STX3: variants seen among roughly 807,000 people sequenced by gnomAD.
The protein encoded by STX3 is syntaxin 3.
A neutral mutation model predicts 40.2 loss-of-function variants in STX3; 19 were observed. The observed-to-expected ratio is 0.47, with a 90% CI of 0.33 to 0.69. The LOEUF (loss-of-function observed/expected upper bound fraction) is 0.69, where lower values mean the gene tolerates loss of function less well. Among genes scored for constraint, STX3 ranks in the 30% least tolerant of loss-of-function variants. STX3 has a pLI of 0.02. For synonymous variants in STX3, 122 were observed against 132.2 expected, an observed-to-expected ratio of 0.92 and a Z score of 0.53; for missense variants, 364 against 366.7, an observed-to-expected ratio of 0.99 and a Z score of 0.06.
At chr11:59,773,984 A>C (rs879935382) in intron 2 of STX3, among the ~76,000 whole-genome samples, 6,412 of 149,248 alleles carry the variant, frequency 0.043, 165 homozygotes, top group African/African-American at 0.057. Context: ...ACACAAAAAA[A>C]AAAAAAAAAA....
In STX3 at chr11:59,766,891, G is replaced by A. The variant is rs141392876; in HGVS notation, c.31-6320G>A. The stretch of plus-strand genomic sequence containing the variant: ...CAACTACATACTGCAGATGGGATTC[G>A]TTGACATGGTGTACACAAAGCAGCT... On this transcript the variant is annotated intron_variant, in intron 1 of 10. Transcript: ENST00000337979. Among the ~76,000 whole-genome samples, 1,014 of 152,318 alleles carry A rather than the reference G, an allele frequency of 6.7e-3. 16 individuals carry two copies. Among genetic ancestry groups the A allele is most frequent in the African/African-American group, 0.023 (973 of 41,562 alleles).
chr11:59,777,281 C>G (rs906316152), intron 2 of STX3, among the ~76,000 whole-genome samples: 2 of 152,176 alleles, frequency 1.3e-5, no homozygotes, highest in Non-Finnish European at 2.9e-5. Context: ...TTTGCACATA[C>G]ACATACCTGA....
At chr11:59,800,419 C>A (rs1452520629) in intron 10 of STX3, 24 of 985,206 alleles carry the variant, frequency 2.4e-5, no homozygotes, top group Non-Finnish European at 2.8e-5. Flanking sequence ...TAATATGACC[C>A]CTGAACTTTT....
In STX3 at chr11:59,801,503, A is replaced by G; in HGVS notation, c.*679A>G. On this transcript the variant is annotated 3_prime_UTR_variant, in exon 11 of 11. Coordinates refer to ENST00000337979, the MANE Select transcript of STX3 (RefSeq NM_004177.5). ...CATATTTACTCAAGGAGGGACCAGG[A>G]TGATACAGTCATCTGAGGTTATGCT... is the stretch of plus-strand genomic sequence containing the variant. 6.1e-6 allele frequency: 6 copies of G among 985,602 alleles called. No homozygotes were observed. The highest frequency in any genetic ancestry group is 7.2e-6 in the Non-Finnish European group (6 of 830,072). The allele number at this position is 985,602 out of a possible 1,614,324, so 61.1% of individuals were successfully genotyped here.
chr11:59,757,370 A>G (rs974502127), intron 1 of STX3, among the ~76,000 whole-genome samples: 1 of 152,200 alleles, frequency 6.6e-6, no homozygotes, highest in Non-Finnish European at 1.5e-5. Context: ...TCTTCCATTT[A>G]TTAGGAAATC....
intron 4 of STX3, among the ~76,000 whole-genome samples, chr11:59,789,441 A>G (rs1590812598): frequency 1.4e-5 from 2 of 139,886 alleles, no homozygotes; most frequent in Admixed American, 7.1e-5. Flanking sequence ...GCAACTACAT[A>G]CTTTTTTTTT....
intron 1 of STX3, among the ~76,000 whole-genome samples, chr11:59,757,706 A>T (rs902668085): frequency 2.0e-5 from 3 of 152,158 alleles, no homozygotes; most frequent in African/African-American, 7.2e-5. Context: ...AAAGGGACAC[A>T]GGTGGCAGGT....
chr11:59,797,613 A>G (rs1410437634), intron 10 of STX3, among the ~76,000 whole-genome samples: 1 of 152,166 alleles, frequency 6.6e-6, no homozygotes, highest in Non-Finnish European at 1.5e-5. Flanking sequence ...CTTATCCTGT[A>G]GATTCTGTCC....
intron 10 of STX3, 59 bp from the exon 11 acceptor site, chr11:59,800,796 C>T (rs1865845897): frequency 6.5e-7 from 1 of 1,535,508 alleles, no homozygotes; most frequent in Non-Finnish European, 8.7e-7. Flanking sequence ...CTGACTCCTT[C>T]TGTTGCCCTT....
chr11:59,782,193 T>C (rs980542314), intron 2 of STX3, among the ~76,000 whole-genome samples: 1 of 152,300 alleles, frequency 6.6e-6, no homozygotes, highest in East Asian at 1.9e-4. Context: ...CTTTTAGTTA[T>C]AGTTATTAGT....
chr11:59,769,536 A>T (rs1020890555), intron 1 of STX3, among the ~76,000 whole-genome samples: 3 of 152,122 alleles, frequency 2.0e-5, no homozygotes, highest in African/African-American at 7.2e-5. Context: ...CAGGTTTTGG[A>T]TCTAGGTTTC....
Position 59,802,468 on chromosome 11 carries a change from A to G in STX3, c.*1644A>G, listed in dbSNP as rs1298075957. The G allele has an allele frequency of 9.1e-6, 9 of 985,738 alleles. No individual in the cohort carries two copies. The highest frequency in any genetic ancestry group is 9.6e-6 in the Non-Finnish European group (8 of 829,944). The allele number at this position is 985,738 out of a possible 1,614,324, so 61.1% of individuals were successfully genotyped here. A position where few individuals can be genotyped will look rare whatever the true frequency, so the allele number is the denominator to read the frequency against. ...TATGGCCGGTCACAATCCAGCACTC[A>G]GACAGAGCCAAGGCAATATCCTCTT... On this transcript the variant is annotated 3_prime_UTR_variant, in exon 11 of 11. Transcript: ENST00000337979.
Position 59,797,337 on chromosome 11 carries a change from A to G in STX3, c.841A>G (p.Ile281Val). 1 of 1,614,082 alleles carries G rather than the reference A, an allele frequency of 6.2e-7. No homozygotes were observed. The highest frequency in any genetic ancestry group is 8.5e-7 in the Non-Finnish European group (1 of 1,180,016). ...VVVLLGILAL[I>V]IGLSVGLN ...TGTGTTGCTGGGCATTTTAGCATTG[A>G]TTATTGGACTTTCCGTTGGGCTGAA... The change falls in exon 10 of 11, where the codon ATT (isoleucine) becomes GTT (valine). Residue 281 changes from isoleucine (I) to valine (V), a missense_variant. By Grantham distance (29) the Ile-to-Val change is conservative. Coordinates refer to ENST00000337979, the MANE Select transcript of STX3 (RefSeq NM_004177.5).
chr11:59,790,381 G>A, intron 4 of STX3, 138 bp from the exon 5 acceptor site: 2 of 675,718 alleles, frequency 3.0e-6, no homozygotes, highest in Non-Finnish European at 5.4e-6. Context: ...TCATCTGGGA[G>A]CTGACCTTTT....
chr11:59,758,401 A>G (rs1024179564), intron 1 of STX3, among the ~76,000 whole-genome samples: 1 of 152,226 alleles, frequency 6.6e-6, no homozygotes, highest in Admixed American at 6.5e-5. Flanking sequence ...TTTGAAGTCT[A>G]CAGGGACTGA....
chr11:59,769,300 C>T (rs1023914168), intron 1 of STX3, among the ~76,000 whole-genome samples: 2 of 151,984 alleles, frequency 1.3e-5, no homozygotes, highest in African/African-American at 4.8e-5. Flanking sequence ...AGGATGGGTG[C>T]GGACAGTGAT....
chr11:59,790,807 C>A (rs1385590511), intron 5 of STX3, among the ~76,000 whole-genome samples: 1 of 152,142 alleles, frequency 6.6e-6, no homozygotes, highest in Non-Finnish European at 1.5e-5. Context: ...CCCTGAAGAG[C>A]TTTTCAGGCT....
chr11:59,761,394 A>C (rs1327439071), intron 1 of STX3, among the ~76,000 whole-genome samples: 3 of 152,208 alleles, frequency 2.0e-5, no homozygotes, highest in Admixed American at 6.5e-5. Flanking sequence ...ACAAATAGCC[A>C]CATGGTATTG....
In STX3 at chr11:59,793,150, AC is replaced by A; in HGVS notation, c.521del (p.Pro174ArgfsTer29). ...CTGGAGGAGATGTTGGAGAGTGGCA[AC>A]CCGGCCATCTTCACTTCTGGGGTGA... ...EELEEMLESG[N>X]PAIFTSGIID... On this transcript the variant is annotated frameshift_variant, in exon 7 of 11. Transcript: ENST00000337979. LOFTEE classifies it high-confidence loss of function. 1.2e-6 allele frequency: 2 copies of A among 1,613,320 alleles called. No homozygotes were observed. The highest frequency in any genetic ancestry group is 4.5e-5 in the East Asian group (2 of 44,856).
Sources: gnomAD v4.1 joint callset for allele counts (sites outside exome capture counted in the v4.1 genomes callset) on GRCh38, gnomAD v4.1.1 for gene constraint, MANE v1.5 for transcripts, NCBI Gene and HGNC (gene_info 2026-07-23, HGNC 2026-07-21) for gene names.